Variants in TRPS1 observed in about 807,000 individuals in gnomAD.
The protein encoded by TRPS1 is zinc finger transcription factor Trps1.
In TRPS1, 6 loss-of-function variants were observed where a neutral mutation model predicts 101.2. The ratio of observed to expected loss-of-function variants is 0.06; its 90% CI spans 0.03 to 0.12. The LOEUF is 0.12. Ranked by LOEUF, TRPS1 falls within the 10% of genes least tolerant of loss-of-function variation. TRPS1 has a pLI of 1.00. For synonymous variants in TRPS1, 578 were observed against 589.8 expected, an observed-to-expected ratio of 0.98 and a Z score of 0.29; for missense variants, 1,363 against 1,567.0, an observed-to-expected ratio of 0.87 and a Z score of 2.20.
chr8:115,589,985 C>T (rs576497813), intron 4 of TRPS1, among the ~76,000 whole-genome samples: 3 of 152,050 alleles, frequency 2.0e-5, no homozygotes, highest in East Asian at 1.9e-4. Context: ...GGTGTGGTGG[C>T]GGGAGCCTGT....
At chr8:115,427,117 T>TA (rs996468843) in intron 5 of TRPS1, among the ~76,000 whole-genome samples, 42 of 149,194 alleles carry the variant, frequency 2.8e-4, no homozygotes, top group South Asian at 1.9e-3. Context: ...TACAAAAAGT[T>TA]AAAAAAAAAA....
At chr8:115,657,434 C>T (rs536723672) in intron 1 of TRPS1, among the ~76,000 whole-genome samples, 13 of 152,194 alleles carry the variant, frequency 8.5e-5, no homozygotes, top group African/African-American at 2.9e-4. Flanking sequence ...CTCATAAATA[C>T]GTTAAGAAGC....
chr8:115,585,718 T>C (rs1340698625), intron 5 of TRPS1, among the ~76,000 whole-genome samples: 1 of 152,134 alleles, frequency 6.6e-6, no homozygotes, highest in Non-Finnish European at 1.5e-5. Flanking sequence ...ACTGTTTCTC[T>C]TTTTTTCCCG....
At chr8:115,462,637 CTCTCT>C (rs1467260797) in intron 5 of TRPS1, among the ~76,000 whole-genome samples, 52 of 68,574 alleles carry the variant, frequency 7.6e-4, no homozygotes, top group Non-Finnish European at 1.2e-3. Context: ...CTCTCTCTCT[CTCTCT>C]TTTTTTTTTT....
chr8:115,417,567 A>T lies in TRPS1; in HGVS notation c.2823+763T>A, dbSNP rs183118867. On this transcript the variant is annotated intron_variant, in intron 6 of 6. Transcript: ENST00000395715. ...GATGAACTTGCTAAACTAAAAAAAAAAATCCTTCAGTAAGTCAAATCCATA... is the reference window on the plus strand; with the variant it reads ...GATGAACTTGCTAAACTAAAAAAAATAATCCTTCAGTAAGTCAAATCCATA... 1.2e-4 allele frequency among the ~76,000 whole-genome samples: 19 copies of T among 152,326 alleles called. No individual in the cohort carries two copies. In the East Asian group the frequency reaches 3.7e-3, roughly 29 times the overall value.
chr8:115,450,004 G>C (rs1377136430), intron 5 of TRPS1, among the ~76,000 whole-genome samples: 1 of 138,388 alleles, frequency 7.2e-6, no homozygotes, highest in Admixed American at 7.1e-5. Context: ...TACACACACA[G>C]AGGAAAATAC....
chr8:115,453,085 G>A (rs1053522249), intron 5 of TRPS1, among the ~76,000 whole-genome samples: 4 of 151,672 alleles, frequency 2.6e-5, no homozygotes, highest in South Asian at 2.1e-4. Context: ...ACAGTGGCGC[G>A]ATCTCGGCTC....
chr8:115,520,892 A>C (rs1815845124), intron 5 of TRPS1, among the ~76,000 whole-genome samples: 1 of 151,800 alleles, frequency 6.6e-6, no homozygotes, highest in Non-Finnish European at 1.5e-5. Flanking sequence ...CTTATTAATG[A>C]GTTAAATTTT....
At chr8:115,649,491 G>C (rs1038209955) in intron 1 of TRPS1, among the ~76,000 whole-genome samples, 1 of 152,250 alleles carries the variant, frequency 6.6e-6, no homozygotes, top group East Asian at 1.9e-4. Context: ...AAATAAAGAT[G>C]ACAGCAGTTT....
chr8:115,571,806 G>A (rs1413563765), intron 5 of TRPS1, among the ~76,000 whole-genome samples: 1 of 151,928 alleles, frequency 6.6e-6, no homozygotes, highest in Admixed American at 6.6e-5. Context: ...CTATCCAACA[G>A]GCATAGTAAA....
chr8:115,647,698 CTT>C (rs1348988098), intron 1 of TRPS1, among the ~76,000 whole-genome samples: 3 of 152,148 alleles, frequency 2.0e-5, no homozygotes, highest in African/African-American at 7.2e-5. Context: ...ACATGACTAA[CTT>C]AAAGACTAAT....
chr8:115,471,862 T>A (rs75321499), intron 5 of TRPS1, among the ~76,000 whole-genome samples: 2,270 of 152,296 alleles, frequency 0.015, 49 homozygotes, highest in African/African-American at 0.052. Context: ...CTCTTTTGAC[T>A]CCATGTGTCA....
chr8:115,502,410 T>A (rs1028772097), intron 5 of TRPS1, among the ~76,000 whole-genome samples: 1 of 152,164 alleles, frequency 6.6e-6, no homozygotes, highest in Non-Finnish European at 1.5e-5. Flanking sequence ...TCCCTCCCCT[T>A]ATTTCTTTGA....
At chr8:115,628,783 T>C (rs1204190414) in intron 1 of TRPS1, among the ~76,000 whole-genome samples, 1 of 151,818 alleles carries the variant, frequency 6.6e-6, no homozygotes, top group Non-Finnish European at 1.5e-5. Flanking sequence ...TGTTTAAGCA[T>C]AGATGACAAG....
chr8:115,525,613 T>C (rs1234513401), intron 5 of TRPS1, among the ~76,000 whole-genome samples: 3 of 152,172 alleles, frequency 2.0e-5, no homozygotes, highest in African/African-American at 7.2e-5. Context: ...GTGTTGATTT[T>C]CATTAACATC....
At chr8:115,592,814 T>C (rs1261580807) in intron 4 of TRPS1, among the ~76,000 whole-genome samples, 1 of 152,134 alleles carries the variant, frequency 6.6e-6, no homozygotes, top group Non-Finnish European at 1.5e-5. Context: ...TATTTCAAAT[T>C]TTCCCAGATC....
intron 2 of TRPS1, among the ~76,000 whole-genome samples, chr8:115,621,290 C>T (rs1466244494): frequency 1.3e-5 from 2 of 152,174 alleles, no homozygotes; most frequent in Non-Finnish European, 1.5e-5. Context: ...GAAAATTCCA[C>T]CTGTGACATT....
At chr8:115,584,610 A>T (rs1817523926) in intron 5 of TRPS1, among the ~76,000 whole-genome samples, 1 of 150,740 alleles carries the variant, frequency 6.6e-6, no homozygotes, top group Non-Finnish European at 1.5e-5. Flanking sequence ...TTTAGTAAAC[A>T]TGACCTCAAA....
chr8:115,536,537 A>G (rs902829832), intron 5 of TRPS1, among the ~76,000 whole-genome samples: 1 of 151,860 alleles, frequency 6.6e-6, no homozygotes, highest in Non-Finnish European at 1.5e-5. Flanking sequence ...AAAAAAAAAA[A>G]AAAATGTATT....
Sources: allele counts gnomAD v4.1 joint callset (sites outside exome capture counted in the v4.1 genomes callset), GRCh38; gene constraint gnomAD v4.1.1; transcripts MANE v1.5; gene names NCBI Gene and HGNC (gene_info 2026-07-23, HGNC 2026-07-21).